UBAP2: variants seen among roughly 807,000 people sequenced by gnomAD.
UBAP2 encodes the protein ubiquitin-associated protein 2.
Under a neutral mutation model 139.6 loss-of-function variants are expected in UBAP2, and 75 were observed. The ratio of observed to expected loss-of-function variants is 0.54; its 90% CI spans 0.45 to 0.65. The LOEUF (loss-of-function observed/expected upper bound fraction) is 0.65. Among genes scored for constraint, UBAP2 ranks in the 30% least tolerant of loss-of-function variants. UBAP2 has a pLI of 0.00. For missense variants in UBAP2, 1,368 were observed against 1,369.6 expected (o/e 1.00, Z 0.02); for synonymous variants, 526 against 526.2 (o/e 1.00, Z 0.01).
chr9:33,940,057 G>A (rs1825071006), intron 16 of UBAP2, among the ~76,000 whole-genome samples: 1 of 148,056 alleles, frequency 6.8e-6, no homozygotes, highest in Admixed American at 6.7e-5. Context: ...AGAGGGAGAG[G>A]GGAAAGAAGA....
intron 1 of UBAP2, among the ~76,000 whole-genome samples, chr9:34,030,165 G>A (rs558784891): frequency 6.6e-6 from 1 of 152,042 alleles, no homozygotes; most frequent in Admixed American, 6.6e-5. Flanking sequence ...AGCCAGGTGA[G>A]CCGGGCGCGG....
rs1564012600 is a variant in UBAP2 at position 33,922,986 on chromosome 9, A to G, written c.3052T>C (p.Ser1018Pro). ...CTCACCTGTGTCTTATTGTAGACAG[A>G]ACCAGTCATATCAGGTAGACCAGTG... ...STTGLPDMTG[S>P]VYNKTQTFDK... Residue 1018 changes from serine to proline, a missense_variant, in exon 27 of 29, where the codon TCT becomes CCT. Ser to Pro is a moderately conservative substitution (Grantham distance 74). Transcript: ENST00000379238. 1 of 1,614,190 alleles carries G rather than the reference A, an allele frequency of 6.2e-7. No individual in the cohort carries two copies. Among genetic ancestry groups the G allele is most frequent in the East Asian group, 2.2e-5 (1 of 44,872 alleles).
chr9:33,982,889 T>G (rs1820891135), intron 6 of UBAP2, among the ~76,000 whole-genome samples: 1 of 151,738 alleles, frequency 6.6e-6, no homozygotes, highest in African/African-American at 2.4e-5. Flanking sequence ...TGTTTTTTTT[T>G]TTTTGTTTTT....
rs1827455311 is a variant in UBAP2, at chr9:33,966,360, G to A, written c.680-2569C>T. Among the ~76,000 whole-genome samples the A allele has an allele frequency of 2.0e-5, 3 of 151,892 alleles. No homozygotes were observed. The South Asian group carries it at 6.2e-4, about 32-fold the overall frequency. ...TGTAATCCTAGCTACTCGGGAGGCT[G>A]AGGTAAGAGATCACTCACCCAGGAG... is the stretch of plus-strand genomic sequence containing the variant. On this transcript the variant is annotated intron_variant, in intron 8 of 28. Coordinates refer to ENST00000379238, the MANE Select transcript of UBAP2 (RefSeq NM_001370062.2).
chr9:34,033,326 C>T (rs1026250644), intron 1 of UBAP2, among the ~76,000 whole-genome samples: 11 of 151,992 alleles, frequency 7.2e-5, no homozygotes, highest in Non-Finnish European at 1.6e-4. Flanking sequence ...TGGATAGAAC[C>T]GGAGATCATT....
intron 1 of UBAP2, among the ~76,000 whole-genome samples, chr9:34,035,510 A>ATATATATATATATATATAT (rs1554692760): frequency 1.0e-3 from 4 of 3,822 alleles, no homozygotes; most frequent in African/African-American, 1.8e-3. Context: ...TAAAAAAAAA[A>ATATATATATATATATATAT]AAAAATATAT....
chr9:33,998,215 C>T (rs1229501328), intron 3 of UBAP2: 2 of 152,366 alleles, frequency 1.3e-5, no homozygotes, highest in East Asian at 3.8e-4. Context: ...CTAGGCAACA[C>T]TGCAGGACTC....
At chr9:33,951,988 T>C (rs749554039) in intron 12 of UBAP2, among the ~76,000 whole-genome samples, 1 of 152,182 alleles carries the variant, frequency 6.6e-6, no homozygotes, top group African/African-American at 2.4e-5. Context: ...CACCACCTCA[T>C]ATACCAATGA....
chr9:34,001,898 GA>G (rs1441350035), intron 2 of UBAP2, among the ~76,000 whole-genome samples: 1 of 151,058 alleles, frequency 6.6e-6, no homozygotes, highest in Non-Finnish European at 1.5e-5. Flanking sequence ...AAGAAAAATT[GA>G]AAAATCCATA....
intron 6 of UBAP2, among the ~76,000 whole-genome samples, chr9:33,978,532 C>T (rs536674489): frequency 6.6e-6 from 1 of 152,034 alleles, no homozygotes; most frequent in South Asian, 2.1e-4. Flanking sequence ...TAGCACTTTA[C>T]GAGGCCAAGG....
intron 19 of UBAP2, among the ~76,000 whole-genome samples, chr9:33,929,729 C>G (rs1457059304): frequency 6.6e-6 from 1 of 152,194 alleles, no homozygotes; most frequent in Non-Finnish European, 1.5e-5. Context: ...AGGCCGGGCA[C>G]GGTGGCTCAC....
chr9:34,011,314 G>C (rs1823733487), intron 2 of UBAP2, among the ~76,000 whole-genome samples: 1 of 152,018 alleles, frequency 6.6e-6, no homozygotes, highest in Non-Finnish European at 1.5e-5. Context: ...TTCAGACTTA[G>C]CTTTTTCAGC....
chr9:34,039,127 C>G (rs1826781703), intron 1 of UBAP2, among the ~76,000 whole-genome samples: 1 of 151,966 alleles, frequency 6.6e-6, no homozygotes. Flanking sequence ...CGCCCGGCAG[C>G]CGGCCCGTCT....
chr9:34,005,326 C>T (rs1035096920), intron 2 of UBAP2, among the ~76,000 whole-genome samples: 1 of 148,922 alleles, frequency 6.7e-6, no homozygotes, highest in Non-Finnish European at 1.5e-5. Flanking sequence ...TCTCAGCTAC[C>T]TGGAAGGCTG....
chr9:33,925,340 A>G (rs1823332934), intron 22 of UBAP2, among the ~76,000 whole-genome samples: 1 of 152,278 alleles, frequency 6.6e-6, no homozygotes, highest in South Asian at 2.1e-4. Context: ...GAAAGCCCAG[A>G]AGGGGGAGCA....
chr9:34,036,275 C>T (rs1284868078), intron 1 of UBAP2, among the ~76,000 whole-genome samples: 1 of 151,894 alleles, frequency 6.6e-6, no homozygotes, highest in Non-Finnish European at 1.5e-5. Context: ...CACCGCCATG[C>T]CCGGATAATT....
At chr9:33,931,619 TATG>T (rs1193286379) in intron 19 of UBAP2, among the ~76,000 whole-genome samples, 1 of 152,188 alleles carries the variant, frequency 6.6e-6, no homozygotes, top group African/African-American at 2.4e-5. Flanking sequence ...TTGTGTGTTT[TATG>T]ATAAAAGATT....
chr9:33,925,640 G>A (rs764453728), intron 22 of UBAP2, among the ~76,000 whole-genome samples: 4 of 152,156 alleles, frequency 2.6e-5, no homozygotes, highest in Non-Finnish European at 5.9e-5. Context: ...GGGAGAAGCC[G>A]CTCCGCTCCC....
At chr9:34,033,812 T>A (rs1826093050) in intron 1 of UBAP2, among the ~76,000 whole-genome samples, 1 of 151,956 alleles carries the variant, frequency 6.6e-6, no homozygotes, top group Admixed American at 6.6e-5. Flanking sequence ...CTCAGCTCAC[T>A]GCAACCTCTG....
Sources: allele counts gnomAD v4.1 joint callset (sites outside exome capture counted in the v4.1 genomes callset), GRCh38; gene constraint gnomAD v4.1.1; transcripts MANE v1.5; gene names NCBI Gene and HGNC (gene_info 2026-07-23, HGNC 2026-07-21).